Variants in NLRP14 observed in about 807,000 individuals in gnomAD.
The protein encoded by NLRP14 is NLR family pyrin domain containing 14, also known as NACHT, LRR and PYD domains-containing protein 14.
A neutral mutation model predicts 94.7 loss-of-function variants in NLRP14; 105 were observed. That is an observed-to-expected ratio of 1.11 (90% CI 0.95 to 1.30). The LOEUF (loss-of-function observed/expected upper bound fraction) is 1.30, where lower values mean the gene tolerates loss of function less well. NLRP14 is among the 50% of genes most tolerant of loss of function. The probability of loss-of-function intolerance (pLI) is 0.00; values close to 1 mark genes in which losing one functional copy is unlikely to be tolerated. For synonymous variants in NLRP14, 508 were observed against 459.9 expected (o/e 1.10, Z -1.34); for missense variants, 1,362 against 1,254.1 (o/e 1.09, Z -1.30).
chr11:7,040,983 G>C (rs1233149564), intron 3 of NLRP14, among the ~76,000 whole-genome samples: 1 of 152,044 alleles, frequency 6.6e-6, no homozygotes, highest in Admixed American at 6.5e-5. Flanking sequence ...ATTATTATTT[G>C]AAAATTGTGA....
At chr11:7,037,277 C>G (rs1460384186) in intron 1 of NLRP14, among the ~76,000 whole-genome samples, 1 of 152,174 alleles carries the variant, frequency 6.6e-6, no homozygotes, top group Non-Finnish European at 1.5e-5. Context: ...GTTAAACAAA[C>G]AACCTTAAAA....
rs1247403686 is a variant in NLRP14, at chr11:7,043,446, A to T, written c.1420A>T (p.Asn474Tyr). ...TATTCAGAAGGACGCAGAGTATGAA[A>T]ACTGCTATGTGTTCACCCACCTTCA... ...NIIQKDAEYE[N>Y]CYVFTHLHVQ... Residue 474 changes from asparagine (N) to tyrosine (Y), a missense_variant, in exon 4 of 12, where the codon AAC becomes TAC. By Grantham distance (143) the Asn-to-Tyr change is moderately radical. Transcript: ENST00000299481. The T allele has an allele frequency of 4.3e-6, 7 of 1,614,060 alleles. No homozygotes were observed. The highest frequency in any genetic ancestry group is 1.7e-5 in the Admixed American group (1 of 59,994).
At chr11:7,073,560 G>A (rs1375696087), downstream of NLRP14, among the ~76,000 whole-genome samples, 1 of 152,106 alleles carries the variant, frequency 6.6e-6, no homozygotes, top group African/African-American at 2.4e-5. Flanking sequence ...CCTATTTGAA[G>A]TACCAATTGC....
At chr11:7,044,489 C>T (rs904952476) in intron 4 of NLRP14, among the ~76,000 whole-genome samples, 5 of 152,126 alleles carry the variant, frequency 3.3e-5, no homozygotes, top group Non-Finnish European at 1.5e-5. Context: ...CATTGGTTGG[C>T]CTTTGTTTTG....
At chr11:7,077,332 C>T in the NLRP14 span, among the ~76,000 whole-genome samples, 1 of 152,202 alleles carries the variant, frequency 6.6e-6, no homozygotes, top group Non-Finnish European at 1.5e-5. Flanking sequence ...CCCACAACGG[C>T]TAGCATTCCT....
the NLRP14 span, chr11:7,089,678 G>C: frequency 6.7e-7 from 1 of 1,490,488 alleles, no homozygotes; most frequent in African/African-American, 1.4e-5. Context: ...CCGTGCGGGG[G>C]CGAGACGGCT....
At chr11:7,027,984 C>T (rs1852038061) in intron 1 of NLRP14, among the ~76,000 whole-genome samples, 1 of 152,152 alleles carries the variant, frequency 6.6e-6, no homozygotes. Context: ...CCTCCCAGGT[C>T]TGCTCCCTCT....
intron 1 of NLRP14, among the ~76,000 whole-genome samples, chr11:7,032,243 G>C (rs915413732): frequency 6.6e-6 from 1 of 152,016 alleles, no homozygotes; most frequent in Non-Finnish European, 1.5e-5. Context: ...TTTTTATGTA[G>C]AGGTTTTGTT....
At chr11:7,044,007 C>T in intron 4 of NLRP14, 23 bp downstream of exon 4, 2 of 1,608,706 alleles carry the variant, frequency 1.2e-6, no homozygotes, top group Non-Finnish European at 1.7e-6. Context: ...GGGCCATTCC[C>T]TGGAAGTGCC....
At chr11:7,080,756 G>T in the NLRP14 span, among the ~76,000 whole-genome samples, 2 of 152,194 alleles carry the variant, frequency 1.3e-5, no homozygotes, top group Non-Finnish European at 2.9e-5. Flanking sequence ...AAGAGATAGC[G>T]TAAGACTTAA....
downstream of NLRP14, among the ~76,000 whole-genome samples, chr11:7,075,903 A>C (rs1241089742): frequency 1.3e-5 from 2 of 152,106 alleles, no homozygotes; most frequent in Middle Eastern, 3.2e-3. Flanking sequence ...ATAAAAGCCC[A>C]CAGTTATGTT....
intron 1 of NLRP14, among the ~76,000 whole-genome samples, chr11:7,037,665 G>A (rs559958092): frequency 6.6e-5 from 10 of 152,268 alleles, no homozygotes; most frequent in African/African-American, 1.9e-4. Context: ...AGGGGTAAAC[G>A]CAGGGCTCAA....
At chr11:7,090,309 G>C in the NLRP14 span, 1 of 1,582,982 alleles carries the variant, frequency 6.3e-7, no homozygotes, top group African/African-American at 1.3e-5. Context: ...AGCAGGAACA[G>C]ACTTGGGACC....
At chr11:7,030,714 A>G (rs1434666674) in intron 1 of NLRP14, among the ~76,000 whole-genome samples, 1 of 152,224 alleles carries the variant, frequency 6.6e-6, no homozygotes, top group Non-Finnish European at 1.5e-5. Flanking sequence ...GACAGGCACA[A>G]ATAAGATGCT....
the NLRP14 span, among the ~76,000 whole-genome samples, chr11:7,077,145 G>A: frequency 6.6e-6 from 1 of 152,184 alleles, no homozygotes; most frequent in Non-Finnish European, 1.5e-5. Flanking sequence ...TTAATTGGGT[G>A]TGACGAATCA....
In NLRP14 at chr11:7,046,937, C is replaced by T. The variant is rs75044836; in HGVS notation, c.2123+105C>T. ...GAAGCCAATGCTAAACAAATACTTA[C>T]AATCCATTTTGTAAAATAAACAGGA... On this transcript the variant is annotated intron_variant, in intron 5 of 11. Transcript: ENST00000299481. The T allele has an allele frequency of 0.047, 40,465 of 861,894 alleles. 1,461 individuals are homozygous for T. Among genetic ancestry groups the T allele is most frequent in the East Asian group, 0.13 (5,329 of 41,166 alleles). The allele number at this position is 861,894 out of a possible 1,614,324, so 53.4% of individuals were successfully genotyped here.
At chr11:7,061,758 A>G (rs1852624945) in intron 9 of NLRP14, among the ~76,000 whole-genome samples, 1 of 152,058 alleles carries the variant, frequency 6.6e-6, no homozygotes, top group African/African-American at 2.4e-5. Context: ...AAACAGAAGG[A>G]AAGGAGAGAG....
At position 7,071,229 on chromosome 11, in the gene NLRP14, T is replaced by G; in HGVS notation, c.3203T>G (p.Val1068Gly). The G allele has an allele frequency of 6.8e-6, 11 of 1,613,356 alleles. No homozygotes were observed. The highest frequency in any genetic ancestry group is 9.3e-6 in the Non-Finnish European group (11 of 1,179,630). Residue 1068 changes from valine (V) to glycine (G), a missense_variant, in exon 12 of 12, where the codon GTT becomes GGT. Coordinates refer to ENST00000299481, the MANE Select transcript of NLRP14 (RefSeq NM_176822.4). ...EAQKLLEAVG[V>G]SNPHLIIKPD... ...CAGAAGCTGCTGGAAGCTGTGGGAG[T>G]TAGCAATCCACACTTAATCATTAAG... is the stretch of plus-strand genomic sequence containing the variant.
the NLRP14 span, among the ~76,000 whole-genome samples, chr11:7,087,698 A>G: frequency 1.3e-5 from 2 of 152,242 alleles, no homozygotes; most frequent in African/African-American, 4.8e-5. Flanking sequence ...AATAGAAGGC[A>G]TAACTTCTTC....
Sources: allele counts gnomAD v4.1 joint callset (sites outside exome capture counted in the v4.1 genomes callset), GRCh38; gene constraint gnomAD v4.1.1; transcripts MANE v1.5; gene names NCBI Gene and HGNC (gene_info 2026-07-23, HGNC 2026-07-21).